TTN: variants seen among roughly 807,000 people sequenced by gnomAD.
TTN encodes the protein titin.
A neutral mutation model predicts 3,223.0 loss-of-function variants in TTN; 1,525 were observed. The ratio of observed to expected loss-of-function variants is 0.47; its 90% CI spans 0.45 to 0.49. The LOEUF is 0.49. Among genes scored for constraint, TTN ranks in the 20% least tolerant of loss-of-function variants. TTN has a pLI of 0.00. For synonymous variants in TTN, 14,094 were observed against 15,161.0 expected, an observed-to-expected ratio of 0.93 and a Z score of 5.17; for missense variants, 40,786 against 43,424.0, an observed-to-expected ratio of 0.94 and a Z score of 5.40.
chr2:178,753,323 CCAAA>C (rs1243862837), intron 46 of TTN, 143 bp from the exon 47 acceptor site: 1 of 621,182 alleles, frequency 1.6e-6, no homozygotes, highest in East Asian at 2.8e-5. Context: ...AAAGTCCATG[CCAAA>C]CAAACTATTG....
At chr2:178,781,068 T>A in intron 21 of TTN, 53 bp downstream of exon 21, 1 of 1,612,572 alleles carries the variant, frequency 6.2e-7, no homozygotes, top group Non-Finnish European at 8.5e-7. Flanking sequence ...AGCACTGCTA[T>A]CTCCTTGTAT....
chr2:178,746,588 T>C, intron 47 of TTN: 1 of 1,613,250 alleles, frequency 6.2e-7, no homozygotes, highest in Non-Finnish European at 8.5e-7. Context: ...GGGCATTATG[T>C]CTACATTTGC....
chr2:178,682,873 G>A lies in TTN; in HGVS notation c.32918C>T (p.Ala10973Val), dbSNP rs369809261. The A allele has an allele frequency of 5.0e-6, 8 of 1,609,586 alleles. No homozygotes were observed. The Admixed American group carries it at 5.1e-5, about 10-fold the overall frequency. The change falls in exon 135 of 363, where the codon GCT (alanine) becomes GTT (valine). Residue 10973 changes from alanine (A) to valine (V), a missense_variant. Ala to Val is a moderately conservative substitution (Grantham distance 64, BLOSUM62 0). Coordinates refer to ENST00000589042, the MANE Select transcript of TTN (RefSeq NM_001267550.2). The part of the protein sequence containing the change: ...EVTIMEEKER[A>V]YTLEEEAVSV... ...AACAGCTTCTTCTTCTAGGGTATAA[G>A]CCCTTTCTTTCTCTTCCATTATAGT... is the stretch of plus-strand genomic sequence containing the variant.
chr2:178,529,131 A>G lies in TTN; in HGVS notation c.106620T>C (p.Ile35540=), dbSNP rs1192652830. The G allele has an allele frequency of 3.1e-6, 5 of 1,587,948 alleles. No homozygotes were observed. Among genetic ancestry groups the G allele is most frequent in the Non-Finnish European group, 4.3e-6 (5 of 1,169,278 alleles). Residue 35540 remains isoleucine (I), a synonymous_variant, in exon 360 of 363, where the codon ATT becomes ATC. Coordinates refer to ENST00000589042, the MANE Select transcript of TTN (RefSeq NM_001267550.2). ...PQKKAVVQEE[I]SQKALRSEEI... The stretch of plus-strand genomic sequence containing the variant: ...CTTCAGACCTTAGGGCTTTTTGGGA[A>G]ATTTCCTCTTGGACAACAGCTTTCT...
chr2:178,574,595 C>T lies in TTN; in HGVS notation c.71537G>A (p.Ser23846Asn), dbSNP rs760506346. 21 of 1,613,316 alleles carry T rather than the reference C, an allele frequency of 1.3e-5. No homozygotes were observed. The highest frequency in any genetic ancestry group is 1.7e-4 in the Middle Eastern group (1 of 6,052). ...TAVTKDSMTI[S>N]WHEPLSDGGS... ...ACCATCAGAAAGTGGCTCATGCCAG[C>T]TAATTGTCATTGAATCCTTGGTAAC... Residue 23846 changes from serine (S) to asparagine (N), a missense_variant, in exon 326 of 363, where the codon AGC becomes AAC. Coordinates refer to ENST00000589042, the MANE Select transcript of TTN (RefSeq NM_001267550.2).
intron 133 of TTN, 49 bp downstream of exon 133, chr2:178,683,950 G>T (rs2070118280): frequency 2.1e-6 from 3 of 1,409,530 alleles, no homozygotes; most frequent in Non-Finnish European, 1.9e-6. Flanking sequence ...TAGTTTTAGT[G>T]TCTGGATGCT....
chr2:178,692,375 T>C, intron 120 of TTN, 122 bp downstream of exon 120: 2 of 996,012 alleles, frequency 2.0e-6, no homozygotes, highest in South Asian at 2.9e-5. Flanking sequence ...ATGAAATCAA[T>C]ATACACAGAA....
At chr2:178,789,903 A>G (rs1047025922) in intron 12 of TTN, 75 bp downstream of exon 12, 11 of 1,583,084 alleles carry the variant, frequency 6.9e-6, no homozygotes, top group African/African-American at 1.3e-5. Context: ...AATAATTCAT[A>G]CCATATTGTA....
At chr2:178,704,027 G>T in intron 106 of TTN, 120 bp downstream of exon 106, 1 of 1,282,050 alleles carries the variant, frequency 7.8e-7, no homozygotes, top group Non-Finnish European at 1.1e-6. Context: ...AACGTGTGTT[G>T]GGAAATAAGA....
In TTN at chr2:178,804,562, A is replaced by T. The variant is rs1466566297; in HGVS notation, c.81T>A (p.Ala27=). The T allele has an allele frequency of 1.6e-5, 26 of 1,614,000 alleles. No individual in the cohort carries two copies. The highest frequency in any genetic ancestry group is 2.1e-5 in the Non-Finnish European group (25 of 1,179,946). ...AATGTGTGAGCTTACCACTAATGTG[A>T]GCCTCAAAGGTTGCGGTACTACCCT... ...VLEGSTATFE[A]HISGFPVPEV... is the part of the protein sequence containing the mutation. Residue 27 remains alanine, a synonymous_variant, in exon 2 of 363, where the codon GCT becomes GCA. Coordinates refer to ENST00000589042, the MANE Select transcript of TTN (RefSeq NM_001267550.2).
In TTN at chr2:178,583,922, G is replaced by T. The variant is rs370634364; in HGVS notation, c.65276-16C>A. The T allele has an allele frequency of 2.0e-6, 3 of 1,523,520 alleles. No homozygotes were observed. The highest frequency in any genetic ancestry group is 2.7e-6 in the Non-Finnish European group (3 of 1,132,066). 94.4% of individuals were successfully genotyped at this position (1,523,520 alleles called of 1,614,324 possible). A position where few individuals can be genotyped will look rare whatever the true frequency, so the allele number is the denominator to read the frequency against. ...CCAGGAGGATCTAAAACAAAAAGAGGTACACTCACCATTTATCTTACCAGC... is the reference window on the plus strand; with the variant it reads ...CCAGGAGGATCTAAAACAAAAAGAGTTACACTCACCATTTATCTTACCAGC... On this transcript the variant is annotated splice_polypyrimidine_tract_variant and intron_variant, in intron 311 of 362. Transcript: ENST00000589042.
At chr2:178,619,544 A>G in intron 250 of TTN, 77 bp downstream of exon 250, 1 of 1,546,766 alleles carries the variant, frequency 6.5e-7, no homozygotes, top group Non-Finnish European at 8.7e-7. Flanking sequence ...CACAAGGATT[A>G]CCTCATTAAA....
At chr2:178,763,063 TAAAC>T (rs2089618305) in intron 43 of TTN, among the ~76,000 whole-genome samples, 1 of 152,168 alleles carries the variant, frequency 6.6e-6, no homozygotes, top group Admixed American at 6.5e-5. Flanking sequence ...AGAAGCATAA[TAAAC>T]AAAACAATAC....
In TTN at chr2:178,575,920, T is replaced by C; in HGVS notation, c.70212A>G (p.Glu23404=). Residue 23404 remains glutamate, a synonymous_variant, in exon 326 of 363, where the codon GAA becomes GAG. Coordinates refer to ENST00000589042, the MANE Select transcript of TTN (RefSeq NM_001267550.2). This position sits in a 1 kb window ranked among gnomAD's most constrained non-coding sequence, Gnocchi z 4.0. ...TESFTLLIIP[E]CNRYDTGKFV... ...ATTTACCGGTATCATATCTGTTACATTCTGGGATAATCAGAAGAGTAAATG... is the reference window on the plus strand; with the variant it reads ...ATTTACCGGTATCATATCTGTTACACTCTGGGATAATCAGAAGAGTAAATG... 19 of 1,613,604 alleles carry C rather than the reference T, an allele frequency of 1.2e-5. No individual in the cohort carries two copies. The highest frequency in any genetic ancestry group is 1.6e-5 in the Non-Finnish European group (19 of 1,179,588).
In TTN at chr2:178,589,734, T is replaced by A. The variant is rs1214786970; in HGVS notation, c.61991A>T (p.Asn20664Ile). 3 of 1,613,428 alleles carry A rather than the reference T, an allele frequency of 1.9e-6. No individual in the cohort carries two copies. Among genetic ancestry groups the A allele is most frequent in the Admixed American group, 3.3e-5 (2 of 59,980 alleles). ...AGGCTCACCTGGTCTGTCAATAGGG[T>A]TAATAGCCAGAATGGGAGTTTTTGT... ...IETKTPILAI[N>I]PIDRPGEPEN... The change falls in exon 304 of 363, where the codon AAC becomes ATC. Residue 20664 changes from asparagine (N) to isoleucine (I), a missense_variant. Asn to Ile is a moderately radical substitution (Grantham distance 149, BLOSUM62 -3). Coordinates refer to ENST00000589042, the MANE Select transcript of TTN (RefSeq NM_001267550.2).
At chr2:178,766,096 C>T (rs2090353574) in intron 41 of TTN, among the ~76,000 whole-genome samples, 1 of 152,138 alleles carries the variant, frequency 6.6e-6, no homozygotes, top group South Asian at 2.1e-4. Flanking sequence ...TCTAGAAGCT[C>T]ATCTGGGGTA....
In TTN at chr2:178,612,580, A is replaced by G; in HGVS notation, c.49949-4T>C. 1 of 1,596,866 alleles carries G rather than the reference A, an allele frequency of 6.3e-7. No homozygotes were observed. Among genetic ancestry groups the G allele is most frequent in the Non-Finnish European group, 8.5e-7 (1 of 1,176,078 alleles). ...CAGCGTGGTGGTGATGGAGGATCTG[A>G]AAAAGAAGGAAGGAAAACAAATTCA... On this transcript the variant is annotated splice_polypyrimidine_tract_variant and splice_region_variant and intron_variant, in intron 265 of 362. Transcript: ENST00000589042.
At position 178,632,644 on chromosome 2, in the gene TTN, C is replaced by T; in HGVS notation, c.43362G>A (p.Glu14454=). The change falls in exon 235 of 363, where the codon GAG becomes GAA. Residue 14454 remains glutamate (E), a synonymous_variant. Coordinates refer to ENST00000589042, the MANE Select transcript of TTN (RefSeq NM_001267550.2). ...TQEITGDDRF[E]LIKDGTKHSM... ...AATGCTTAGTGCCATCCTTTATAAG[C>T]TCAAATCTGTCATCACCTGTGATTT... The T allele has an allele frequency of 6.2e-7, 1 of 1,613,472 alleles. No individual in the cohort carries two copies. Among genetic ancestry groups the T allele is most frequent in the Non-Finnish European group, 8.5e-7 (1 of 1,179,568 alleles).
chr2:178,793,523 TCTC>T lies in TTN; in HGVS notation c.1414_1416del (p.Glu472del). ...ACTACTACCTTAGTTACAGCAGTCT[TCTC>T]CGCTTCCTTTCTTACCTGCTTTTCA... On this transcript the variant is annotated inframe_deletion, in exon 9 of 363. Coordinates refer to ENST00000589042, the MANE Select transcript of TTN (RefSeq NM_001267550.2). 6.2e-7 allele frequency: 1 copy of T among 1,613,982 alleles called. No homozygotes were observed. The highest frequency in any genetic ancestry group is 8.5e-7 in the Non-Finnish European group (1 of 1,180,004).
Sources: gnomAD v4.1 joint callset for allele counts (sites outside exome capture counted in the v4.1 genomes callset) on GRCh38, gnomAD v4.1.1 for gene constraint, Gnocchi (gnomAD v3.1) non-coding constraint, MANE v1.5 for transcripts, NCBI Gene and HGNC (gene_info 2026-07-23, HGNC 2026-07-21) for gene names.